Variants in ATP6V0A2 observed in about 807,000 individuals in gnomAD.
The protein encoded by ATP6V0A2 is V-type proton ATPase 116 kDa subunit a 2.
In ATP6V0A2, 58 loss-of-function variants were observed where a neutral mutation model predicts 104.4. That is an observed-to-expected ratio of 0.56 (90% CI 0.45 to 0.69). ATP6V0A2 has a LOEUF of 0.69. Among genes scored for constraint, ATP6V0A2 ranks in the 30% least tolerant of loss-of-function variants. ATP6V0A2 has a pLI of 0.00. For missense variants in ATP6V0A2, 938 were observed against 1,062.9 expected (o/e 0.88, Z 1.63); for synonymous variants, 376 against 397.9 (o/e 0.95, Z 0.65).
In ATP6V0A2 at chr12:123,737,227, G is replaced by A. The variant is rs144949442; in HGVS notation, c.994G>A (p.Glu332Lys). 5.8e-5 allele frequency: 94 copies of A among 1,614,156 alleles called. No individual in the cohort carries two copies. In the African/African-American group the frequency reaches 6.1e-4, roughly 11 times the overall value. Residue 332 changes from glutamate (E) to lysine (K), a missense_variant, in exon 9 of 20, where the codon GAG (glutamate) becomes AAG (lysine). Glu to Lys is a moderately conservative substitution (Grantham distance 56, BLOSUM62 1). Coordinates refer to ENST00000330342, the MANE Select transcript of ATP6V0A2 (RefSeq NM_012463.4). Reference protein sequence around the residue: ...KCLIAEVWCPEADLQDLRRAL... With the variant: ...KCLIAEVWCPKADLQDLRRAL... ...CCTCATTGCTGAGGTCTGGTGTCCC[G>A]AGGCGGATCTGCAGGACCTGCGCCG...
chr12:123,722,514 A>C, intron 3 of ATP6V0A2, 66 bp downstream of exon 3: 3 of 903,604 alleles, frequency 3.3e-6, no homozygotes, highest in Non-Finnish European at 5.6e-6. Context: ...TACTTATTTC[A>C]TGTTGTCTAA....
chr12:123,715,017 G>C (rs1055506532), intron 1 of ATP6V0A2, among the ~76,000 whole-genome samples: 9 of 152,212 alleles, frequency 5.9e-5, no homozygotes, highest in Non-Finnish European at 7.3e-5. Flanking sequence ...AGGAGGCAGA[G>C]GTTGCAGTGA....
chr12:123,751,404 C>T (rs940340782), intron 16 of ATP6V0A2, among the ~76,000 whole-genome samples, 175 bp downstream of exon 16: 2 of 152,132 alleles, frequency 1.3e-5, no homozygotes, highest in African/African-American at 4.8e-5. Flanking sequence ...CCTATAATCC[C>T]AGCACTTTGG....
chr12:123,733,404 A>G (rs1447829496), intron 6 of ATP6V0A2: 1 of 153,414 alleles, frequency 6.5e-6, no homozygotes, highest in Non-Finnish European at 1.4e-5. Context: ...GAGTTGAGTC[A>G]TTTACATTGA....
chr12:123,733,030 G>C (rs535357014), intron 6 of ATP6V0A2: 3 of 152,030 alleles, frequency 2.0e-5, no homozygotes, highest in African/African-American at 7.2e-5. Flanking sequence ...AAGTCACTGA[G>C]GGCTGAGCAC....
intron 5 of ATP6V0A2, among the ~76,000 whole-genome samples, chr12:123,726,863 G>A (rs1956452917): frequency 6.6e-6 from 1 of 152,140 alleles, no homozygotes; most frequent in Non-Finnish European, 1.5e-5. Context: ...TGTCAACCTG[G>A]AATCATTTAT....
At chr12:123,738,844 C>T (rs551075566) in intron 9 of ATP6V0A2, 10 of 152,312 alleles carry the variant, frequency 6.6e-5, no homozygotes, top group African/African-American at 2.4e-4. Context: ...GTAACCTTGT[C>T]TCATTACATA....
rs1377896599 is a variant in ATP6V0A2, at chr12:123,712,405, A to G, written c.-161A>G. 24 of 386,356 alleles carry G rather than the reference A, an allele frequency of 6.2e-5. No individual in the cohort carries two copies. The East Asian group carries it at 9.9e-4, about 16-fold the overall frequency. The allele number at this position is 386,356 out of a possible 1,614,324, so 23.9% of individuals were successfully genotyped here. ...GCTGGAGCGGCGGCCGCGGTGGCAG[A>G]ACCGGGGGCGGCCGCTGCAGTCTGG... On this transcript the variant is annotated 5_prime_UTR_variant, in exon 1 of 20. Coordinates refer to ENST00000330342, the MANE Select transcript of ATP6V0A2 (RefSeq NM_012463.4).
chr12:123,744,578 C>G lies in ATP6V0A2; in HGVS notation c.1327-19C>G. 1.2e-6 allele frequency: 2 copies of G among 1,612,352 alleles called. No individual in the cohort carries two copies. The highest frequency in any genetic ancestry group is 1.7e-6 in the Non-Finnish European group (2 of 1,180,010). ...CACCCTCCAGTAACCATATTCTGCC[C>G]CCGCCTTGCCCTTCACAGATCATGA... On this transcript the variant is annotated intron_variant, in intron 11 of 19. Coordinates refer to ENST00000330342, the MANE Select transcript of ATP6V0A2 (RefSeq NM_012463.4). The surrounding 1 kb of genome is among the most constrained non-coding windows in gnomAD (Gnocchi z 5.4).
chr12:123,715,482 C>T (rs1956330899), intron 1 of ATP6V0A2, among the ~76,000 whole-genome samples: 3 of 152,122 alleles, frequency 2.0e-5, no homozygotes, highest in African/African-American at 7.2e-5. Flanking sequence ...CTGAGTCAGA[C>T]ACTGAGTAGA....
chr12:123,722,561 G>A (rs1956410503), intron 3 of ATP6V0A2, 113 bp downstream of exon 3: 4 of 733,068 alleles, frequency 5.5e-6, no homozygotes, highest in Non-Finnish European at 1.0e-5. Flanking sequence ...TATGGAAGAT[G>A]GTGATCTCTC....
intron 9 of ATP6V0A2, among the ~76,000 whole-genome samples, chr12:123,738,128 G>C (rs1956573495): frequency 6.6e-6 from 1 of 152,196 alleles, no homozygotes; most frequent in Non-Finnish European, 1.5e-5. Flanking sequence ...CTTTTGGCTG[G>C]GCACGGTGGC....
intron 2 of ATP6V0A2, among the ~76,000 whole-genome samples, chr12:123,719,840 A>G (rs962685649): frequency 1.3e-5 from 2 of 152,104 alleles, no homozygotes; most frequent in African/African-American, 4.8e-5. Flanking sequence ...GGAAGCCTAA[A>G]CAAACTTTGC....
At chr12:123,713,102 G>A (rs1000879007) in intron 1 of ATP6V0A2, among the ~76,000 whole-genome samples, 1 of 152,116 alleles carries the variant, frequency 6.6e-6, no homozygotes, top group Admixed American at 6.6e-5. Flanking sequence ...TGATTCGGGC[G>A]GGAGGTGAGT....
chr12:123,712,576 T>G lies in ATP6V0A2; in HGVS notation c.11T>G (p.Leu4Arg). ...GCGGGTCGGCCCGCCATGGGGTCCC[T>G]GTTCCGGAGCGAGACCATGTGCCTG... is the stretch of plus-strand genomic sequence containing the variant. The part of the protein sequence containing the change: MGS[L>R]FRSETMCLAQ... Residue 4 changes from leucine (L) to arginine (R), a missense_variant, in exon 1 of 20, where the codon CTG (leucine) becomes CGG (arginine). Physicochemically the swap from Leu to Arg is moderately radical, Grantham distance 102 (BLOSUM62 -2). Transcript: ENST00000330342. 1 of 1,593,948 alleles carries G rather than the reference T, an allele frequency of 6.3e-7. No individual in the cohort carries two copies. Among genetic ancestry groups the G allele is most frequent in the Non-Finnish European group, 8.5e-7 (1 of 1,172,770 alleles).
chr12:123,746,772 C>T (rs1337566599), intron 13 of ATP6V0A2, among the ~76,000 whole-genome samples: 2 of 151,782 alleles, frequency 1.3e-5, no homozygotes, highest in Non-Finnish European at 2.9e-5. Context: ...CATGGCGAAA[C>T]CCTTTCTCTA....
Position 123,718,690 on chromosome 12 carries a change from A to G in ATP6V0A2, c.185A>G (p.Glu62Gly). 1.2e-6 allele frequency: 2 copies of G among 1,610,434 alleles called. No individual in the cohort carries two copies. The highest frequency in any genetic ancestry group is 1.7e-6 in the Non-Finnish European group (2 of 1,177,588). Reference protein sequence around the residue: ...VGEVKRCEELERILVYLVQEI... With the variant: ...VGEVKRCEELGRILVYLVQEI... The stretch of plus-strand genomic sequence containing the variant: ...GAGGTGAAGAGGTGTGAAGAGCTAG[A>G]GCGAATATTGGGTAAGTTTATTTTC... Residue 62 changes from glutamate (E) to glycine (G), a missense_variant, in exon 2 of 20, where the codon GAG (glutamate) becomes GGG (glycine). Coordinates refer to ENST00000330342, the MANE Select transcript of ATP6V0A2 (RefSeq NM_012463.4).
intron 5 of ATP6V0A2, among the ~76,000 whole-genome samples, chr12:123,727,437 C>T (rs1364559351): frequency 1.3e-5 from 2 of 152,024 alleles, no homozygotes; most frequent in Middle Eastern, 3.2e-3. Context: ...TGCCACCACG[C>T]CTGGCTAATT....
intron 9 of ATP6V0A2, among the ~76,000 whole-genome samples, chr12:123,741,438 A>G (rs983793522): frequency 1.3e-5 from 2 of 152,026 alleles, no homozygotes; most frequent in African/African-American, 4.8e-5. Flanking sequence ...TAGCTGCTCA[A>G]GGAAATTCAT....
Sources: allele counts gnomAD v4.1 joint callset (sites outside exome capture counted in the v4.1 genomes callset), GRCh38; gene constraint gnomAD v4.1.1; non-coding constraint Gnocchi (gnomAD v3.1); transcripts MANE v1.5; gene names NCBI Gene and HGNC (gene_info 2026-07-23, HGNC 2026-07-21).